The following JPT2 variants were observed in gnomAD, a reference collection of about 807,000 sequenced individuals.
JPT2 encodes Jupiter microtubule associated homolog 2, also known as CRAMP_1 like.
A neutral mutation model predicts 15.9 loss-of-function variants in JPT2; 9 were observed. The observed-to-expected ratio is 0.57, with a 90% CI of 0.34 to 0.99. The LOEUF (loss-of-function observed/expected upper bound fraction) is 0.99. Among genes scored for constraint, JPT2 ranks in the 50% least tolerant of loss-of-function variants. The pLI, the probability that JPT2 is intolerant of heterozygous loss-of-function variation, is 0.02. For synonymous variants in JPT2, 95 were observed against 91.7 expected, an observed-to-expected ratio of 1.04 and a Z score of -0.21; for missense variants, 267 against 252.1, an observed-to-expected ratio of 1.06 and a Z score of -0.40.
chr16:1,678,920 G>A (rs960447158), intron 1 of JPT2, among the ~76,000 whole-genome samples: 1 of 152,178 alleles, frequency 6.6e-6, no homozygotes, highest in Admixed American at 6.5e-5. Context: ...GTTCATGTGA[G>A]TCCACTTCCT....
Position 1,699,977 on chromosome 16 carries a change from G to C in JPT2, c.*979G>C. 3.2e-6 allele frequency: 1 copy of C among 311,222 alleles called. No homozygotes were observed. The highest frequency in any genetic ancestry group is 6.7e-6 in the Non-Finnish European group (1 of 149,044). 19.3% of individuals were successfully genotyped at this position (311,222 alleles called of 1,614,324 possible). ...GATGCTTGGGAACCTTGGGTTCTTA[G>C]GTTTGGATTCTTTAATAATATCTAA... On this transcript the variant is annotated 3_prime_UTR_variant, in exon 5 of 5. Transcript: ENST00000248098.
At chr16:1,682,378 A>G (rs1025643036) in intron 1 of JPT2, among the ~76,000 whole-genome samples, 5 of 151,164 alleles carry the variant, frequency 3.3e-5, no homozygotes, top group African/African-American at 4.9e-5. Context: ...TCCATCTCAA[A>G]AAAATAAAAT....
At position 1,691,830 on chromosome 16, in the gene JPT2, A is replaced by T. The variant is rs756637628; in HGVS notation, c.194-13A>T. ...ACGTCTGGTTGCTCAGTGTTCTGTG[A>T]TCGTTTCTGCAGGGGGTAAAGGAAG... is the stretch of plus-strand genomic sequence containing the variant. On this transcript the variant is annotated splice_polypyrimidine_tract_variant and intron_variant, in intron 2 of 4. Transcript: ENST00000248098. The T allele has an allele frequency of 1.6e-5, 26 of 1,611,180 alleles. No individual in the cohort carries two copies. Among genetic ancestry groups the T allele is most frequent in the Middle Eastern group, 1.9e-4 (1 of 5,380 alleles).
rs2037178808 is a variant in JPT2, at chr16:1,701,331, C to T, written c.*2333C>T. 2 of 152,624 alleles carry T rather than the reference C, an allele frequency of 1.3e-5. No homozygotes were observed. Among genetic ancestry groups the T allele is most frequent in the Admixed American group, 6.5e-5 (1 of 15,286 alleles). 9.5% of individuals were successfully genotyped at this position (152,624 alleles called of 1,614,324 possible). On this transcript the variant is annotated 3_prime_UTR_variant, in exon 5 of 5. Transcript: ENST00000248098. ...TGTACCAAAACAAAAAGCCTGTACT[C>T]ACATCACAATGTCATTTTGATAGGA...
intron 3 of JPT2, among the ~76,000 whole-genome samples, chr16:1,696,672 G>C (rs1274365094): frequency 6.6e-6 from 1 of 152,168 alleles, no homozygotes; most frequent in Non-Finnish European, 1.5e-5. Context: ...TAGTGGACTT[G>C]AATATACATT....
At chr16:1,687,153 T>A (rs1369765149) in intron 2 of JPT2, among the ~76,000 whole-genome samples, 3 of 152,120 alleles carry the variant, frequency 2.0e-5, no homozygotes, top group Non-Finnish European at 4.4e-5. Flanking sequence ...TAGGTAATTT[T>A]TTTTTGTATT....
intron 2 of JPT2, among the ~76,000 whole-genome samples, chr16:1,690,726 C>T (rs193068785): frequency 1.3e-5 from 2 of 152,312 alleles, no homozygotes; most frequent in East Asian, 3.9e-4. Context: ...AGAACACTTC[C>T]CCTTTTACAT....
intron 1 of JPT2, chr16:1,683,561 A>C: frequency 6.5e-7 from 1 of 1,535,434 alleles, no homozygotes; most frequent in Non-Finnish European, 8.7e-7. Context: ...CAGCCTCCTG[A>C]GTGGACAGGG....
chr16:1,698,831 G>A lies in JPT2; in HGVS notation c.406G>A (p.Gly136Arg). The A allele has an allele frequency of 6.2e-7, 1 of 1,613,260 alleles. No individual in the cohort carries two copies. The highest frequency in any genetic ancestry group is 8.5e-7 in the Non-Finnish European group (1 of 1,179,736). The change falls in exon 5 of 5, where the codon GGA (glycine) becomes AGA (arginine). Residue 136 changes from glycine (G) to arginine (R), a missense_variant. Physicochemically the swap from Gly to Arg is moderately radical, Grantham distance 125. Coordinates refer to ENST00000248098, the MANE Select transcript of JPT2 (RefSeq NM_144570.3). This position sits in a 1 kb window ranked among gnomAD's most constrained non-coding sequence, Gnocchi z 4.9. Reference sequence around the variant, plus strand: ...CACAGCTGCAAGGAGCATCCCGGCTGGAGCAGAGCCAGGTGAGAAAGGCAG... The same window carrying A: ...CACAGCTGCAAGGAGCATCCCGGCTAGAGCAGAGCCAGGTGAGAAAGGCAG... ...DLKAARSIPA[G>R]AEPGEKGSAR...
At chr16:1,681,441 A>AC (rs2037022610) in intron 1 of JPT2, among the ~76,000 whole-genome samples, 1 of 152,172 alleles carries the variant, frequency 6.6e-6, no homozygotes, top group Admixed American at 6.5e-5. Context: ...AGCACATAGA[A>AC]CAATATTAAA....
intron 3 of JPT2, among the ~76,000 whole-genome samples, chr16:1,693,318 A>AGG (rs2142227975): frequency 1.3e-5 from 2 of 152,202 alleles, no homozygotes; most frequent in African/African-American, 4.8e-5. Flanking sequence ...GCTGGTCTTG[A>AGG]ACTCCTGTCC....
intron 3 of JPT2, 98 bp downstream of exon 3, chr16:1,692,083 A>C: frequency 6.9e-7 from 1 of 1,450,700 alleles, no homozygotes; most frequent in Middle Eastern, 1.9e-4. Flanking sequence ...TTTAGGGAGA[A>C]TCATGGTGGG....
At chr16:1,692,939 G>A (rs1020710367) in intron 3 of JPT2, among the ~76,000 whole-genome samples, 1 of 152,186 alleles carries the variant, frequency 6.6e-6, no homozygotes. Flanking sequence ...ACAGAAAGGA[G>A]AGGACATGAG....
chr16:1,682,921 G>GC (rs2142220487), intron 1 of JPT2, among the ~76,000 whole-genome samples: 1 of 152,112 alleles, frequency 6.6e-6, no homozygotes, highest in African/African-American at 2.4e-5. Context: ...GCCAGCCTTA[G>GC]CCTCCCGAAT....
intron 1 of JPT2, among the ~76,000 whole-genome samples, chr16:1,679,873 G>A (rs1157167997): frequency 1.3e-5 from 2 of 152,006 alleles, no homozygotes; most frequent in African/African-American, 4.8e-5. Flanking sequence ...TGGCCAACAC[G>A]GTGAAACCCC....
At chr16:1,693,924 C>T (rs1039680939) in intron 3 of JPT2, among the ~76,000 whole-genome samples, 5 of 151,916 alleles carry the variant, frequency 3.3e-5, no homozygotes, top group Admixed American at 1.3e-4. Context: ...TTAAATTCAC[C>T]AACTGTTCAG....
chr16:1,696,623 C>G (rs2037144211), intron 3 of JPT2, among the ~76,000 whole-genome samples: 1 of 152,038 alleles, frequency 6.6e-6, no homozygotes, highest in Admixed American at 6.6e-5. Context: ...AGAATGCCTA[C>G]AACTCAACAA....
chr16:1,691,902 A>C lies in JPT2; in HGVS notation c.253A>C (p.Asn85His). The change falls in exon 3 of 5, where the codon AAC becomes CAC. Residue 85 changes from asparagine (N) to histidine (H), a missense_variant. Asn to His is a moderately conservative substitution (Grantham distance 68). Coordinates refer to ENST00000248098, the MANE Select transcript of JPT2 (RefSeq NM_144570.3). ...STPVQTRQHLNPPGGKTSDIF... is the reference protein window; with the variant it reads ...STPVQTRQHLHPPGGKTSDIF... ...CCCCGTGCAGACTCGACAGCACCTG[A>C]ACCCACCTGGAGGGAAGACCAGCGA... 6.2e-7 allele frequency: 1 copy of C among 1,614,168 alleles called. No homozygotes were observed. The highest frequency in any genetic ancestry group is 8.5e-7 in the Non-Finnish European group (1 of 1,180,032).
Position 1,685,453 on chromosome 16 carries a change from C to T in JPT2, c.59C>T (p.Pro20Leu). 1 of 1,614,152 alleles carries T rather than the reference C, an allele frequency of 6.2e-7. No individual in the cohort carries two copies. The change falls in exon 2 of 5, where the codon CCA becomes CTA. Residue 20 changes from proline to leucine, a missense_variant. By Grantham distance (98) the Pro-to-Leu change is moderately conservative. Transcript: ENST00000248098. ...GRAGSRAMKP[P>L]GGESSNLFGS... is the part of the protein sequence containing the mutation. The stretch of plus-strand genomic sequence containing the variant: ...TGTGCTTGTAGGGCCATGAAGCCCC[C>T]AGGAGGAGAATCGAGCAATCTTTTT...
Sources: allele counts gnomAD v4.1 joint callset (sites outside exome capture counted in the v4.1 genomes callset), GRCh38; gene constraint gnomAD v4.1.1; non-coding constraint Gnocchi (gnomAD v3.1); transcripts MANE v1.5; gene names NCBI Gene and HGNC (gene_info 2026-07-23, HGNC 2026-07-21).